MYO1B: variants seen among roughly 807,000 people sequenced by gnomAD.
MYO1B encodes the protein unconventional myosin-Ib.
MYO1B carries 72 observed loss-of-function variants against 159.7 expected under a neutral mutation model. The observed-to-expected ratio is 0.45, with a 90% CI of 0.37 to 0.55. The LOEUF is 0.55. Among genes scored for constraint, MYO1B ranks in the 20% least tolerant of loss-of-function variants. The probability of loss-of-function intolerance (pLI) is 0.00; values close to 1 mark genes in which losing one functional copy is unlikely to be tolerated. For synonymous variants in MYO1B, 468 were observed against 473.8 expected (o/e 0.99, Z 0.16); for missense variants, 1,062 against 1,364.8 (o/e 0.78, Z 3.50).
intron 2 of MYO1B, among the ~76,000 whole-genome samples, chr2:191,279,247 A>C (rs1188354430): frequency 6.6e-6 from 1 of 152,236 alleles, no homozygotes; most frequent in Non-Finnish European, 1.5e-5. Context: ...TGTAACTTCA[A>C]ACACCTCATG....
chr2:191,261,359 A>C (rs1487453005), intron 1 of MYO1B, among the ~76,000 whole-genome samples: 2 of 152,164 alleles, frequency 1.3e-5, no homozygotes, highest in Non-Finnish European at 2.9e-5. Context: ...AGTGGCTGAG[A>C]TAAGTAAAAA....
chr2:191,381,293 C>T (rs1461399363), intron 13 of MYO1B, 169 bp from the exon 14 acceptor site: 17 of 692,766 alleles, frequency 2.5e-5, no homozygotes, highest in Non-Finnish European at 3.7e-5. Context: ...ACCCACTCCT[C>T]GAGTGCCTGC....
intron 12 of MYO1B, 144 bp downstream of exon 12, chr2:191,369,772 A>G: frequency 5.9e-6 from 4 of 680,524 alleles, no homozygotes; most frequent in Non-Finnish European, 7.3e-6. Context: ...ACCATGTATA[A>G]GATTGAAATT....
intron 13 of MYO1B, among the ~76,000 whole-genome samples, chr2:191,374,602 G>C (rs1209403642): frequency 1.3e-5 from 2 of 152,146 alleles, no homozygotes; most frequent in African/African-American, 4.8e-5. Flanking sequence ...GGATTTGACT[G>C]CAAAACATCC....
intron 24 of MYO1B, among the ~76,000 whole-genome samples, chr2:191,405,586 A>G (rs1261114527): frequency 6.6e-6 from 1 of 152,258 alleles, no homozygotes. Flanking sequence ...CATGAGCTGC[A>G]GAATGGATGT....
intron 24 of MYO1B, among the ~76,000 whole-genome samples, chr2:191,405,571 T>C (rs145335357): frequency 3.9e-4 from 59 of 152,354 alleles, no homozygotes; most frequent in African/African-American, 1.3e-3. Flanking sequence ...AATTACTCCT[T>C]GATCCATGAG....
At chr2:191,343,495 C>A (rs1692357633) in intron 5 of MYO1B, among the ~76,000 whole-genome samples, 1 of 152,196 alleles carries the variant, frequency 6.6e-6, no homozygotes, top group Non-Finnish European at 1.5e-5. Flanking sequence ...GAAGGCAAAT[C>A]ATCTATTATG....
chr2:191,396,538 C>T, intron 21 of MYO1B, 41 bp downstream of exon 21: 1 of 1,602,088 alleles, frequency 6.2e-7, no homozygotes, highest in Non-Finnish European at 8.6e-7. Context: ...TTTGGGTTTT[C>T]TGGTTTTTCA....
intron 24 of MYO1B, 134 bp downstream of exon 24, chr2:191,402,852 G>C: frequency 1.6e-6 from 1 of 643,120 alleles, no homozygotes; most frequent in Non-Finnish European, 2.5e-6. Context: ...GCTTAATTTT[G>C]TACCTTTTTC....
At chr2:191,251,908 C>T (rs907104393) in intron 1 of MYO1B, among the ~76,000 whole-genome samples, 1 of 152,134 alleles carries the variant, frequency 6.6e-6, no homozygotes, top group African/African-American at 2.4e-5. Flanking sequence ...TAACATTTTC[C>T]AGTGTACACC....
chr2:191,299,745 T>G (rs920746069), intron 3 of MYO1B, among the ~76,000 whole-genome samples: 1 of 152,232 alleles, frequency 6.6e-6, no homozygotes, highest in African/African-American at 2.4e-5. Flanking sequence ...TTGAGCAAAT[T>G]ACTTGAAAAA....
At chr2:191,380,020 C>A (rs2126067640) in intron 13 of MYO1B, among the ~76,000 whole-genome samples, 1 of 152,264 alleles carries the variant, frequency 6.6e-6, no homozygotes, top group African/African-American at 2.4e-5. Flanking sequence ...TAAGACTCTT[C>A]AAGACATAAA....
intron 1 of MYO1B, among the ~76,000 whole-genome samples, chr2:191,249,909 G>C (rs1686011721): frequency 6.6e-6 from 1 of 152,168 alleles, no homozygotes. Flanking sequence ...TAACAGGTGA[G>C]CACCTTCCAA....
chr2:191,357,043 T>C (rs915347904), intron 7 of MYO1B, among the ~76,000 whole-genome samples: 4 of 152,322 alleles, frequency 2.6e-5, no homozygotes, highest in African/African-American at 9.6e-5. Context: ...TAATCAAGAA[T>C]TTGGACCACT....
At chr2:191,368,030 G>A (rs1401213725) in intron 11 of MYO1B, among the ~76,000 whole-genome samples, 1 of 152,108 alleles carries the variant, frequency 6.6e-6, no homozygotes, top group Non-Finnish European at 1.5e-5. Flanking sequence ...TTATTTGTTT[G>A]TTGCCAACTC....
In MYO1B at chr2:191,263,198, T is replaced by C. The variant is rs572154574; in HGVS notation, c.-9-13689T>C. Reference sequence around the variant, plus strand: ...TTAACTCATATAAAACAGCCCTGTATGGAAGCTGAGGCTGCCTCTTCCTAG... The same window carrying C: ...TTAACTCATATAAAACAGCCCTGTACGGAAGCTGAGGCTGCCTCTTCCTAG... On this transcript the variant is annotated intron_variant, in intron 1 of 30. Coordinates refer to ENST00000392318, the MANE Select transcript of MYO1B (RefSeq NM_001130158.3). 22 of 304,894 alleles carry C rather than the reference T, an allele frequency of 7.2e-5. No homozygotes were observed. The South Asian group carries it at 2.1e-3, about 29-fold the overall frequency. The allele number at this position is 304,894 out of a possible 1,614,324, so 18.9% of individuals were successfully genotyped here.
intron 18 of MYO1B, among the ~76,000 whole-genome samples, chr2:191,391,119 G>A (rs1290322327): frequency 6.6e-6 from 1 of 152,238 alleles, no homozygotes; most frequent in Admixed American, 6.5e-5. Context: ...AGAGAGAACT[G>A]TGTACTGACG....
intron 18 of MYO1B, 96 bp downstream of exon 18, chr2:191,390,588 T>C: frequency 5.2e-6 from 7 of 1,351,256 alleles, no homozygotes; most frequent in Non-Finnish European, 6.9e-6. Flanking sequence ...CAGAATTTTA[T>C]GAAAAACTGG....
At chr2:191,378,475 A>C (rs755488131) in intron 13 of MYO1B, among the ~76,000 whole-genome samples, 1 of 152,070 alleles carries the variant, frequency 6.6e-6, no homozygotes, top group Non-Finnish European at 1.5e-5. Context: ...AACCTTCTTA[A>C]GGGTGGGGGA....
Sources: gnomAD v4.1 joint callset for allele counts (sites outside exome capture counted in the v4.1 genomes callset) on GRCh38, gnomAD v4.1.1 for gene constraint, MANE v1.5 for transcripts, NCBI Gene and HGNC (gene_info 2026-07-23, HGNC 2026-07-21) for gene names.